ARHGEF28: variants seen among roughly 807,000 people sequenced by gnomAD.
ARHGEF28 encodes 190 kDa guanine nucleotide exchange factor.
A neutral mutation model predicts 206.6 loss-of-function variants in ARHGEF28; 152 were observed. The observed-to-expected ratio is 0.74, with a 90% CI of 0.64 to 0.84. The LOEUF is 0.84. Ranked by LOEUF, ARHGEF28 falls within the 40% of genes least tolerant of loss-of-function variation. The pLI is 0.00. For synonymous variants in ARHGEF28, 763 were observed against 776.4 expected, an observed-to-expected ratio of 0.98 and a Z score of 0.29; for missense variants, 2,028 against 2,073.2, an observed-to-expected ratio of 0.98 and a Z score of 0.42.
rs1433754828 is a variant in ARHGEF28 at position 73,870,108 on chromosome 5, A to G, written c.2465A>G (p.Asp822Gly). The change falls in exon 21 of 36, where the codon GAT (aspartate) becomes GGT (glycine). Residue 822 changes from aspartate to glycine, a missense_variant. By Grantham distance (94) the Asp-to-Gly change is moderately conservative (BLOSUM62 -1). This residue lies in a region of ARHGEF28 where 1,002 missense variants were observed against 1,015.3 expected (regional missense o/e 0.99). Coordinates refer to ENST00000513042, the MANE Select transcript of ARHGEF28 (RefSeq NM_001177693.2). ...TCTCTGTGGAGTGACCTCAGCAGTG[A>G]TGCCCAGGAGTTTGAAGCAGAATCT... Reference protein sequence around the residue: ...DSSLWSDLSSDAQEFEAESWS... With the variant: ...DSSLWSDLSSGAQEFEAESWS... The G allele has an allele frequency of 6.2e-7, 1 of 1,613,968 alleles. No homozygotes were observed. The highest frequency in any genetic ancestry group is 1.7e-5 in the Admixed American group (1 of 60,006).
At chr5:73,684,212 C>T (rs544033769) in intron 1 of ARHGEF28, among the ~76,000 whole-genome samples, 1 of 152,254 alleles carries the variant, frequency 6.6e-6, no homozygotes, top group East Asian at 1.9e-4. Flanking sequence ...AACTCTATGG[C>T]CATTAAATAA....
At chr5:73,794,229 G>A (rs1234442129) in intron 7 of ARHGEF28, 173 bp from the exon 8 acceptor site, 9 of 526,832 alleles carry the variant, frequency 1.7e-5, no homozygotes, top group Middle Eastern at 2.7e-4. Context: ...ATGGACAGTC[G>A]GGTTATTAGA....
chr5:73,676,110 A>G (rs190736273), intron 1 of ARHGEF28, among the ~76,000 whole-genome samples: 3,524 of 133,856 alleles, frequency 0.026, 60 homozygotes, highest in Non-Finnish European at 0.037. Context: ...TGCTCTTGTC[A>G]CCCAGGCCAG....
chr5:73,886,904 G>T (rs145912757), intron 25 of ARHGEF28, among the ~76,000 whole-genome samples: 7 of 152,302 alleles, frequency 4.6e-5, no homozygotes, highest in African/African-American at 1.7e-4. Flanking sequence ...AACATCCATA[G>T]GTAGGCAGTG....
intron 3 of ARHGEF28, 129 bp downstream of exon 3, chr5:73,750,113 C>A: frequency 9.5e-7 from 1 of 1,048,734 alleles, no homozygotes; most frequent in East Asian, 2.4e-5. Context: ...TGTGTGCGTG[C>A]CTGTGTGTGT....
At chr5:73,734,398 G>T (rs1323010537) in intron 2 of ARHGEF28, among the ~76,000 whole-genome samples, 1 of 152,110 alleles carries the variant, frequency 6.6e-6, no homozygotes, top group Non-Finnish European at 1.5e-5. Context: ...GTAATGAAAG[G>T]TATGAAATCC....
intron 9 of ARHGEF28, among the ~76,000 whole-genome samples, chr5:73,828,348 C>T (rs892161105): frequency 6.6e-6 from 1 of 152,222 alleles, no homozygotes; most frequent in Non-Finnish European, 1.5e-5. Context: ...CATCCTTTGA[C>T]AAGCAGAGGC....
intron 2 of ARHGEF28, among the ~76,000 whole-genome samples, chr5:73,708,855 C>A (rs4505930): frequency 0.027 from 4,108 of 152,278 alleles, 184 homozygotes; most frequent in African/African-American, 0.093. Flanking sequence ...CTTTTCTCTG[C>A]AGTCTTACCA....
In ARHGEF28 at chr5:73,866,027, A is replaced by G; in HGVS notation, c.2152+14A>G. 6.3e-7 allele frequency: 1 copy of G among 1,587,300 alleles called. No individual in the cohort carries two copies. The highest frequency in any genetic ancestry group is 1.8e-5 in the Admixed American group (1 of 55,302). The stretch of plus-strand genomic sequence containing the variant: ...CCATCCTTGGAAGTAAGTGATGTAG[A>G]AAACGACAAGAACTTTTAAAAATTT... On this transcript the variant is annotated intron_variant, in intron 18 of 35. Transcript: ENST00000513042.
At chr5:73,848,942 A>T (rs375834770) in intron 12 of ARHGEF28, 34 bp from the exon 13 acceptor site, 29 of 1,433,668 alleles carry the variant, frequency 2.0e-5, no homozygotes, top group Admixed American at 1.7e-4. Context: ...GACCATGTAT[A>T]AATTTTTAAA....
intron 9 of ARHGEF28, among the ~76,000 whole-genome samples, chr5:73,816,683 T>C (rs1236954426): frequency 1.3e-5 from 2 of 152,252 alleles, no homozygotes; most frequent in African/African-American, 4.8e-5. Context: ...TCTAGTACTT[T>C]CTTATCCTTA....
chr5:73,753,426 A>T (rs1165682947), intron 4 of ARHGEF28, among the ~76,000 whole-genome samples: 1 of 152,174 alleles, frequency 6.6e-6, no homozygotes, highest in Non-Finnish European at 1.5e-5. Flanking sequence ...GCCTTGTCTC[A>T]AGTGGGGAAA....
At chr5:73,851,881 A>G (rs16870963) in intron 13 of ARHGEF28, among the ~76,000 whole-genome samples, 2,860 of 152,228 alleles carry the variant, frequency 0.019, 92 homozygotes, top group African/African-American at 0.065. Flanking sequence ...CTCCTTATGT[A>G]TCATTTCCCT....
chr5:73,857,564 TACACACACACAC>T (rs4066802), intron 14 of ARHGEF28, 80 bp from the exon 15 acceptor site: 14 of 1,193,576 alleles, frequency 1.2e-5, no homozygotes, highest in Non-Finnish European at 1.6e-5. Context: ...CATATATGTG[TACACACACACAC>T]ACACACACAC....
At chr5:73,720,068 A>C (rs552867754) in intron 2 of ARHGEF28, among the ~76,000 whole-genome samples, 1 of 152,366 alleles carries the variant, frequency 6.6e-6, no homozygotes, top group African/African-American at 2.4e-5. Flanking sequence ...AAAAATAAAA[A>C]ATGAGTTCCT....
At chr5:73,780,439 G>A (rs931753554) in intron 6 of ARHGEF28, 9 of 507,490 alleles carry the variant, frequency 1.8e-5, no homozygotes, top group Non-Finnish European at 2.9e-5. Flanking sequence ...ACCTGCAGAA[G>A]CAATAAAAGA....
chr5:73,669,190 T>TC (rs1364550346), intron 1 of ARHGEF28, among the ~76,000 whole-genome samples: 1 of 152,134 alleles, frequency 6.6e-6, no homozygotes, highest in Non-Finnish European at 1.5e-5. Context: ...CACAAAATAA[T>TC]CCAAACAACA....
chr5:73,869,455 G>C (rs965762971), intron 20 of ARHGEF28, among the ~76,000 whole-genome samples: 3 of 152,060 alleles, frequency 2.0e-5, no homozygotes, highest in African/African-American at 7.2e-5. Context: ...GGACTCTGTA[G>C]GTTACCAAAA....
chr5:73,744,568 C>A (rs576981681), intron 2 of ARHGEF28, among the ~76,000 whole-genome samples: 1 of 151,714 alleles, frequency 6.6e-6, no homozygotes, highest in South Asian at 2.1e-4. Context: ...GTAAAGAAGA[C>A]AAGTTTCAAA....
Sources: gnomAD v4.1 joint callset for allele counts (sites outside exome capture counted in the v4.1 genomes callset) on GRCh38, gnomAD v4.1.1 for gene constraint, gnomAD v4.1.1 regional missense constraint, MANE v1.5 for transcripts, NCBI Gene and HGNC (gene_info 2026-07-23, HGNC 2026-07-21) for gene names.